FRMPD4: variants seen among roughly 807,000 people sequenced by gnomAD.
FRMPD4 encodes FERM and PDZ domain containing 4, also known as FERM and PDZ domain-containing protein 4.
A neutral mutation model predicts 94.1 loss-of-function variants in FRMPD4; 22 were observed. That is an observed-to-expected ratio of 0.23 (90% confidence interval 0.17 to 0.33). FRMPD4 has a LOEUF of 0.33. FRMPD4 is among the 10% of genes least tolerant of loss of function. FRMPD4 has a pLI of 1.00. For missense variants in FRMPD4, 1,111 were observed against 1,339.9 expected, an observed-to-expected ratio of 0.83 and a Z score of 2.67; for synonymous variants, 631 against 548.6, an observed-to-expected ratio of 1.15 and a Z score of -2.10.
At position 12,032,669 on chromosome X, in the gene FRMPD4, C is replaced by T. The variant is rs187225856; in HGVS notation, c.95+154651C>T. 2.5e-3 allele frequency among the ~76,000 whole-genome samples: 278 copies of T among 111,930 alleles called. 1 individual carries two copies. The highest frequency in any genetic ancestry group is 8.7e-3 in the African/African-American group (268 of 30,838). On this transcript the variant is annotated intron_variant, in intron 3 of 18. Transcript: ENST00000640291. The stretch of plus-strand genomic sequence containing the variant: ...TCTACAGCACAAATGGAGAGACTAG[C>T]CTTAGAAGGAAGAAAGAACACCTTC...
chrX:12,588,561 A>G (rs943525843), intron 2 of FRMPD4, among the ~76,000 whole-genome samples: 6 of 112,517 alleles, frequency 5.3e-5, no homozygotes, highest in African/African-American at 1.9e-4. Flanking sequence ...TTTTACAACT[A>G]TATCATAGGT....
chrX:11,910,182 A>G (rs1253497871), intron 3 of FRMPD4, among the ~76,000 whole-genome samples: 1 of 111,762 alleles, frequency 8.9e-6, no homozygotes, highest in African/African-American at 3.3e-5. Flanking sequence ...TTCTCCACTC[A>G]CTAGCCAAAT....
intron 1 of FRMPD4, among the ~76,000 whole-genome samples, chrX:12,148,660 A>G (rs781061997): frequency 8.9e-6 from 1 of 112,880 alleles, no homozygotes; most frequent in South Asian, 3.7e-4. Flanking sequence ...AATTGGAAGA[A>G]GATGCCATCT....
intron 2 of FRMPD4, among the ~76,000 whole-genome samples, chrX:12,512,039 T>C (rs1007610463): frequency 2.7e-5 from 3 of 111,993 alleles, no homozygotes; most frequent in Non-Finnish European, 5.6e-5. Context: ...GCCCCCACCC[T>C]GAACAGTCAG....
intron 1 of FRMPD4, among the ~76,000 whole-genome samples, chrX:12,220,414 C>T (rs1331448537): frequency 8.9e-6 from 1 of 111,840 alleles, no homozygotes; most frequent in African/African-American, 3.3e-5. Context: ...TGGGCATACT[C>T]TTGTAATCAG....
chrX:12,656,485 T>C (rs2059657645), intron 4 of FRMPD4, among the ~76,000 whole-genome samples: 1 of 112,482 alleles, frequency 8.9e-6, no homozygotes, highest in African/African-American at 3.2e-5. Context: ...AATTGATAAA[T>C]GAATAGTGGT....
At chrX:11,966,734 AC>A (rs2054311793) in intron 3 of FRMPD4, among the ~76,000 whole-genome samples, 1 of 112,068 alleles carries the variant, frequency 8.9e-6, no homozygotes. Context: ...CCCTCATTTA[AC>A]CTTTCCAGTA....
intron 3 of FRMPD4, among the ~76,000 whole-genome samples, chrX:12,104,492 G>T (rs761061653): frequency 1.8e-5 from 2 of 112,039 alleles, no homozygotes; most frequent in African/African-American, 6.5e-5. Context: ...AATATCTGTG[G>T]GGCCTGGATT....
At chrX:12,655,954 A>G (rs1354662421) in intron 4 of FRMPD4, among the ~76,000 whole-genome samples, 2 of 112,226 alleles carry the variant, frequency 1.8e-5, no homozygotes, top group Non-Finnish European at 3.8e-5. Flanking sequence ...CCTTCTTAGT[A>G]TCCCTCGCTC....
intron 1 of FRMPD4, among the ~76,000 whole-genome samples, chrX:12,313,500 C>G (rs5979583): frequency 0.089 from 10,026 of 112,289 alleles, 1,103 homozygotes; most frequent in African/African-American, 0.31. Context: ...GCTGGTGGAA[C>G]AATCAACTTT....
chrX:12,596,061 G>A (rs2059027767), intron 2 of FRMPD4, among the ~76,000 whole-genome samples: 1 of 111,950 alleles, frequency 8.9e-6, no homozygotes, highest in African/African-American at 3.2e-5. Context: ...AAAATCACCA[G>A]GGAATTAAAA....
chrX:12,496,627 G>C (rs924860220), intron 1 of FRMPD4, among the ~76,000 whole-genome samples: 6 of 111,932 alleles, frequency 5.4e-5, no homozygotes, highest in Non-Finnish European at 1.1e-4. Context: ...GGTTGTTATA[G>C]ATAAATACTT....
intron 5 of FRMPD4, among the ~76,000 whole-genome samples, chrX:12,676,914 A>T (rs911614485): frequency 1.2e-4 from 13 of 111,765 alleles, no homozygotes; most frequent in Non-Finnish European, 7.5e-5. Context: ...TTGCCCAATC[A>T]CCGCAGATAA....
At chrX:12,573,490 T>G (rs5935374) in intron 2 of FRMPD4, among the ~76,000 whole-genome samples, 3,119 of 112,138 alleles carry the variant, frequency 0.028, 52 homozygotes, top group Middle Eastern at 0.07. Context: ...CCCAAAACTG[T>G]GATTGCTTCT....
chrX:12,377,701 G>A (rs924444066), intron 1 of FRMPD4, among the ~76,000 whole-genome samples: 3 of 112,653 alleles, frequency 2.7e-5, no homozygotes, highest in Admixed American at 9.4e-5. Context: ...CAATCACAAC[G>A]TTTCAGGTGC....
Position 12,663,028 on chromosome X carries a change from C to T in FRMPD4, c.423-11835C>T, listed in dbSNP as rs778188179. Among the ~76,000 whole-genome samples the T allele has an allele frequency of 1.4e-3, 159 of 112,197 alleles. 6 individuals are homozygous for T. Among genetic ancestry groups the T allele is most frequent in the Non-Finnish European group, 4.1e-4 (22 of 53,244 alleles). On this transcript the variant is annotated intron_variant, in intron 4 of 16. Transcript: ENST00000675598. ...TTGAGAAGTTTCTGTTCATATCCTTCGCCCATTTTTTGATAGGGTTGTTTG... is the reference window on the plus strand; with the variant it reads ...TTGAGAAGTTTCTGTTCATATCCTTTGCCCATTTTTTGATAGGGTTGTTTG...
intron 11 of FRMPD4, among the ~76,000 whole-genome samples, chrX:12,706,166 CT>C (rs1414818641): frequency 2.7e-5 from 3 of 109,146 alleles, no homozygotes. Flanking sequence ...TAACTTTTAT[CT>C]GGATAAAATT....
At chrX:11,847,602 A>G (rs2053585674) in intron 1 of FRMPD4, among the ~76,000 whole-genome samples, 2 of 108,741 alleles carry the variant, frequency 1.8e-5, no homozygotes, top group East Asian at 2.9e-4. Flanking sequence ...TTGCGGCAGT[A>G]TTCACAATAG....
At chrX:12,613,492 C>A (rs2059203083) in intron 3 of FRMPD4, among the ~76,000 whole-genome samples, 1 of 112,472 alleles carries the variant, frequency 8.9e-6, no homozygotes, top group Admixed American at 9.4e-5. Flanking sequence ...TAACCCATTG[C>A]CTGGTGCATA....
Sources: allele counts gnomAD v4.1 joint callset (sites outside exome capture counted in the v4.1 genomes callset), GRCh38; gene constraint gnomAD v4.1.1; transcripts MANE v1.5; gene names NCBI Gene and HGNC (gene_info 2026-07-23, HGNC 2026-07-21).